Variants in ENPP3 observed in about 807,000 individuals in gnomAD.
ENPP3 encodes the protein ectonucleotide pyrophosphatase/phosphodiesterase family member 3.
A neutral mutation model predicts 117.8 loss-of-function variants in ENPP3; 104 were observed. That is an observed-to-expected ratio of 0.88 (90% confidence interval 0.75 to 1.04). The LOEUF is 1.04. Among genes scored for constraint, ENPP3 ranks in the 50% least tolerant of loss-of-function variants. ENPP3 has a pLI of 0.00. For synonymous variants in ENPP3, 380 were observed against 349.9 expected (o/e 1.09, Z -0.96); for missense variants, 1,026 against 1,051.9 (o/e 0.98, Z 0.34).
chr6:131,685,886 G>A lies in ENPP3; in HGVS notation c.1263G>A (p.Glu421=), dbSNP rs1230260005. 1.0e-6 allele frequency: 1 copy of A among 955,554 alleles called. No homozygotes were observed. Among genetic ancestry groups the A allele is most frequent in the Non-Finnish European group, 1.6e-6 (1 of 610,980 alleles). 59.2% of individuals were successfully genotyped at this position (955,554 alleles called of 1,614,324 possible). A position where few individuals can be genotyped will look rare whatever the true frequency, so the allele number is the denominator to read the frequency against. ...TTTCTTTTGAAACAGTTAATTCTGA[G>A]GAAATTGTTAGAAACCTCAGTGTAA... ...IPHDFFSFNS[E]EIVRNLSCRK... The change falls in exon 14 of 25, where the codon GAG becomes GAA. Residue 421 remains glutamate (E), a synonymous_variant. Coordinates refer to ENST00000357639, the MANE Select transcript of ENPP3 (RefSeq NM_005021.5).
intron 14 of ENPP3, among the ~76,000 whole-genome samples, chr6:131,692,923 CTATA>C (rs1388208032): frequency 1.4e-5 from 2 of 142,878 alleles, no homozygotes; most frequent in African/African-American, 5.1e-5. Flanking sequence ...ATATTATACA[CTATA>C]TATGATATAT....
intron 15 of ENPP3, among the ~76,000 whole-genome samples, chr6:131,697,019 T>C (rs1303733159): frequency 6.6e-6 from 1 of 152,132 alleles, no homozygotes; most frequent in Non-Finnish European, 1.5e-5. Flanking sequence ...TCCGCCCTCC[T>C]TGGTCTCCCA....
rs143276109 is a variant in ENPP3, at chr6:131,731,607, C to T, written c.1954-1981C>T. On this transcript the variant is annotated intron_variant, in intron 20 of 24. Coordinates refer to ENST00000357639, the MANE Select transcript of ENPP3 (RefSeq NM_005021.5). ...ACTCTCCAGAGAGTAAACATACTGT[C>T]TATCCCTTTTTGCAGACTTTTTCAA... Among the ~76,000 whole-genome samples, 13 of 152,236 alleles carry T rather than the reference C, an allele frequency of 8.5e-5. No homozygotes were observed. In the East Asian group the frequency reaches 2.3e-3, roughly 27 times the overall value.
chr6:131,637,513 AAGTATATG>A (rs765823495), intron 1 of ENPP3, 51 bp downstream of exon 1: 7 of 1,062,478 alleles, frequency 6.6e-6, no homozygotes, highest in Non-Finnish European at 9.7e-6. Flanking sequence ...CAAATGTTAA[AAGTATATG>A]ATTTCCCATT....
chr6:131,657,591 T>A (rs571592813), intron 5 of ENPP3, among the ~76,000 whole-genome samples: 8 of 152,366 alleles, frequency 5.3e-5, no homozygotes, highest in Non-Finnish European at 1.0e-4. Context: ...TCAAACATAA[T>A]GTCGAGTAAA....
At chr6:131,650,630 G>A (rs549684238) in intron 3 of ENPP3, among the ~76,000 whole-genome samples, 4 of 152,206 alleles carry the variant, frequency 2.6e-5, no homozygotes, top group South Asian at 2.1e-4. Context: ...TTTTCTTACA[G>A]TTTTGGAGAC....
At chr6:131,675,389 G>A in intron 9 of ENPP3, 200 bp downstream of exon 9, 1 of 537,052 alleles carries the variant, frequency 1.9e-6, no homozygotes, top group Non-Finnish European at 3.3e-6. Context: ...TATGTAGCCT[G>A]AGAACTTTTT....
intron 2 of ENPP3, among the ~76,000 whole-genome samples, chr6:131,646,564 G>T (rs1286464680): frequency 6.6e-6 from 1 of 151,966 alleles, no homozygotes; most frequent in African/African-American, 2.4e-5. Flanking sequence ...GGAGTGGGAG[G>T]CAGGGTGAGT....
In ENPP3 at chr6:131,658,373, A is replaced by G. The variant is rs898414510; in HGVS notation, c.515A>G (p.Glu172Gly). Residue 172 changes from glutamate (E) to glycine (G), a missense_variant, in exon 6 of 25, where the codon GAA becomes GGA. By Grantham distance (98) the Glu-to-Gly change is moderately conservative. Coordinates refer to ENST00000357639, the MANE Select transcript of ENPP3 (RefSeq NM_005021.5). Reference sequence around the variant, plus strand: ...TTTTCTATGGATGGATTTAGAGCTGAATATTTATACACATGGGATACTTTA... The same window carrying G: ...TTTTCTATGGATGGATTTAGAGCTGGATATTTATACACATGGGATACTTTA... ...ILFSMDGFRA[E>G]YLYTWDTLMP... 8 of 1,609,430 alleles carry G rather than the reference A, an allele frequency of 5.0e-6. No homozygotes were observed. The highest frequency in any genetic ancestry group is 6.8e-6 in the Non-Finnish European group (8 of 1,175,910).
chr6:131,734,683 G>C (rs1585733956), intron 21 of ENPP3, among the ~76,000 whole-genome samples: 1 of 151,856 alleles, frequency 6.6e-6, no homozygotes, highest in East Asian at 2.0e-4. Flanking sequence ...GATCACCTGA[G>C]ATCAGGAGTT....
chr6:131,743,124 G>T (rs1476449461), intron 24 of ENPP3, among the ~76,000 whole-genome samples: 2 of 151,984 alleles, frequency 1.3e-5, no homozygotes, highest in Non-Finnish European at 2.9e-5. Context: ...TATGGGGAAG[G>T]GAAAGGCAAG....
rs368947334 is a variant in ENPP3 at position 131,649,765 on chromosome 6, A to G, written c.155-262A>G. Among the ~76,000 whole-genome samples the G allele has an allele frequency of 1.2e-4, 18 of 152,288 alleles. No homozygotes were observed. In the East Asian group the frequency reaches 2.9e-3, roughly 25 times the overall value. ...GAGATGGGGTTTTGCCATGTTAGCCAGACTGGTCTCAAACTCCTGACCTCA... is the reference window on the plus strand; with the variant it reads ...GAGATGGGGTTTTGCCATGTTAGCCGGACTGGTCTCAAACTCCTGACCTCA... On this transcript the variant is annotated intron_variant, in intron 2 of 24. Coordinates refer to ENST00000357639, the MANE Select transcript of ENPP3 (RefSeq NM_005021.5).
chr6:131,678,907 C>CTCTCTCTTTCTT (rs1778932071), intron 11 of ENPP3, among the ~76,000 whole-genome samples: 4 of 71,720 alleles, frequency 5.6e-5, no homozygotes, highest in East Asian at 3.8e-4. Context: ...CTTTCTTTCT[C>CTCTCTCTTTCTT]TCTTTCTTTC....
At chr6:131,706,697 C>G (rs2527390) in intron 15 of ENPP3, among the ~76,000 whole-genome samples, 24,811 of 113,212 alleles carry the variant, frequency 0.22, 3,100 homozygotes, top group African/African-American at 0.38. Flanking sequence ...CTGATATAAT[C>G]TAACTTTCCT....
At chr6:131,683,939 G>A (rs528071811) in intron 12 of ENPP3, among the ~76,000 whole-genome samples, 13 of 152,008 alleles carry the variant, frequency 8.6e-5, no homozygotes, top group Admixed American at 5.9e-4. Flanking sequence ...TTTTAGTAGC[G>A]ATGGGGTTTC....
chr6:131,664,103 C>T (rs1481696472), intron 6 of ENPP3, among the ~76,000 whole-genome samples: 1 of 152,052 alleles, frequency 6.6e-6, no homozygotes, highest in Non-Finnish European at 1.5e-5. Context: ...TATAAAACAG[C>T]CTCAGGCAGG....
chr6:131,675,001 C>A, intron 8 of ENPP3, 79 bp from the exon 9 acceptor site: 1 of 799,290 alleles, frequency 1.3e-6, no homozygotes, highest in Non-Finnish European at 2.2e-6. Context: ...AACTATTAAT[C>A]TTGTTTAGTT....
At chr6:131,682,485 C>T (rs951227977) in intron 11 of ENPP3, among the ~76,000 whole-genome samples, 1 of 152,068 alleles carries the variant, frequency 6.6e-6, no homozygotes, top group Non-Finnish European at 1.5e-5. Flanking sequence ...CAGAGTAAGA[C>T]CCTGTCCCTA....
intron 6 of ENPP3, among the ~76,000 whole-genome samples, chr6:131,667,906 G>T (rs547190029): frequency 6.6e-6 from 1 of 152,242 alleles, no homozygotes; most frequent in South Asian, 2.1e-4. Context: ...TGTGCCAAGG[G>T]ATTGAATGCA....
Sources: allele counts gnomAD v4.1 joint callset (sites outside exome capture counted in the v4.1 genomes callset), GRCh38; gene constraint gnomAD v4.1.1; transcripts MANE v1.5; gene names NCBI Gene and HGNC (gene_info 2026-07-23, HGNC 2026-07-21).